Variants in RAPH1 observed in about 807,000 individuals in gnomAD.
The protein encoded by RAPH1 is ras-associated and pleckstrin homology domains-containing protein 1.
A neutral mutation model predicts 88.1 loss-of-function variants in RAPH1; 18 were observed. The observed-to-expected ratio is 0.20, with a 90% confidence interval of 0.14 to 0.30. RAPH1 has a LOEUF of 0.30. Among genes scored for constraint, RAPH1 ranks in the 10% least tolerant of loss-of-function variants. RAPH1 has a pLI of 1.00. For synonymous variants in RAPH1, 587 were observed against 559.0 expected (o/e 1.05, Z -0.71); for missense variants, 1,448 against 1,543.2 (o/e 0.94, Z 1.03).
Position 203,454,482 on chromosome 2 carries a change from T to G in RAPH1, c.1361A>C (p.Gln454Pro). 1 of 1,613,872 alleles carries G rather than the reference T, an allele frequency of 6.2e-7. No individual in the cohort carries two copies. The highest frequency in any genetic ancestry group is 8.5e-7 in the Non-Finnish European group (1 of 1,179,924). The change falls in exon 10 of 14, where the codon CAG becomes CCG. Residue 454 changes from glutamine to proline, a missense_variant. Gln to Pro is a moderately conservative substitution (Grantham distance 76). This residue lies in a region of RAPH1 where 513 missense variants were observed against 653.1 expected (regional missense o/e 0.79). Coordinates refer to ENST00000319170, the MANE Select transcript of RAPH1 (RefSeq NM_213589.3). ...TGCTTTGTATTTGTTCCGATAGTCC[T>G]GGCCATAATAAACGTTGACATGATC... The part of the protein sequence containing the change: ...QLDHVNVYYG[Q>P]DYRNKYKAPT...
Position 203,440,801 on chromosome 2 carries a change from C to A in RAPH1, c.2389G>T (p.Val797Phe). 1 of 1,598,854 alleles carries A rather than the reference C, an allele frequency of 6.3e-7. No homozygotes were observed. Among genetic ancestry groups the A allele is most frequent in the Non-Finnish European group, 8.5e-7 (1 of 1,175,366 alleles). Residue 797 changes from valine (V) to phenylalanine (F), a missense_variant, in exon 14 of 14, where the codon GTT becomes TTT. Val to Phe is a conservative substitution (Grantham distance 50). This residue lies in a region of RAPH1 where 935 missense variants were observed against 890.1 expected (regional missense o/e 1.05). Coordinates refer to ENST00000319170, the MANE Select transcript of RAPH1 (RefSeq NM_213589.3). ...GTGGGTGGTGCAGCTTGAGTCACAACAGGTGCCACAGTCTTGGTGCTGGTT... is the reference window on the plus strand; with the variant it reads ...GTGGGTGGTGCAGCTTGAGTCACAAAAGGTGCCACAGTCTTGGTGCTGGTT... ...APTSTKTVAP[V>F]VTQAAPPTPT... is the part of the protein sequence containing the mutation.
At position 203,492,774 on chromosome 2, in the gene RAPH1, C is replaced by CT. The variant is rs34762923; in HGVS notation, c.121-1456dup. Among the ~76,000 whole-genome samples the CT allele has an allele frequency of 6.3e-3, 907 of 144,934 alleles. 6 individuals are homozygous for CT. Among genetic ancestry groups the CT allele is most frequent in the East Asian group, 0.026 (130 of 4,990 alleles). On this transcript the variant is annotated intron_variant, in intron 2 of 13. Transcript: ENST00000319170. Reference sequence around the variant, plus strand: ...ATACTCTATGTGTTTATAATGCTATCTTTTTTTTTTTTTTTGAGACAAGGT... The same window carrying CT: ...ATACTCTATGTGTTTATAATGCTATCTTTTTTTTTTTTTTTTGAGACAAGGT...
chr2:203,516,211 T>C (rs1401446896), intron 1 of RAPH1, among the ~76,000 whole-genome samples: 1 of 152,132 alleles, frequency 6.6e-6, no homozygotes, highest in African/African-American at 2.4e-5. Flanking sequence ...TAGTTGTATA[T>C]GTAAATTGCA....
intron 12 of RAPH1, chr2:203,445,547 G>A (rs1383279484): frequency 6.5e-6 from 1 of 152,706 alleles, no homozygotes; most frequent in Non-Finnish European, 1.5e-5. Context: ...GACCCATAGG[G>A]TGGCAGCTGT....
intron 1 of RAPH1, among the ~76,000 whole-genome samples, chr2:203,506,784 A>ATC (rs1559494326): frequency 3.0e-4 from 25 of 82,392 alleles, no homozygotes; most frequent in African/African-American, 1.3e-3. Context: ...ATATATCTAG[A>ATC]TATATATATC....
intron 2 of RAPH1, among the ~76,000 whole-genome samples, chr2:203,491,788 G>A (rs2248312): frequency 0.11 from 16,295 of 152,196 alleles, 1,814 homozygotes; most frequent in African/African-American, 0.28. Flanking sequence ...GATTACAGGC[G>A]TGAGCCACCA....
At chr2:203,500,652 A>C (rs1688701765) in intron 1 of RAPH1, among the ~76,000 whole-genome samples, 1 of 152,220 alleles carries the variant, frequency 6.6e-6, no homozygotes, top group Admixed American at 6.5e-5. Context: ...GCTTATACTC[A>C]CTTAAGTTTA....
chr2:203,440,136 T>C lies in RAPH1; in HGVS notation c.3054A>G (p.Leu1018=). The change falls in exon 14 of 14, where the codon CTA becomes CTG. Residue 1018 remains leucine (L), a synonymous_variant. Coordinates refer to ENST00000319170, the MANE Select transcript of RAPH1 (RefSeq NM_213589.3). ...GCTTGGGGGGTGCTGCAGGAGGTGG[T>C]AGGGTCTCCTTGCTGGGAGACCCTG... ...AESGSPSKET[L]PPPAAPPKPG... 1 of 1,613,444 alleles carries C rather than the reference T, an allele frequency of 6.2e-7. No homozygotes were observed. Among genetic ancestry groups the C allele is most frequent in the Non-Finnish European group, 8.5e-7 (1 of 1,179,902 alleles).
chr2:203,527,503 A>G (rs1446564133), intron 1 of RAPH1, among the ~76,000 whole-genome samples: 1 of 152,048 alleles, frequency 6.6e-6, no homozygotes, highest in African/African-American at 2.4e-5. Context: ...TTTCCTCAAT[A>G]AAAACGTTTT....
chr2:203,455,556 T>C lies in RAPH1; in HGVS notation c.1183A>G (p.Thr395Ala). The change falls in exon 9 of 14, where the codon ACT (threonine) becomes GCT (alanine). Residue 395 changes from threonine (T) to alanine (A), a missense_variant. Thr to Ala is a moderately conservative substitution (Grantham distance 58). This residue lies in a region of RAPH1 where 513 missense variants were observed against 653.1 expected (regional missense o/e 0.79). Transcript: ENST00000319170. Reference sequence around the variant, plus strand: ...AGGACTCCTTCAATTTCTGGTACAGTTACAGAACTTCCACAAAAACATTCC... The same window carrying C: ...AGGACTCCTTCAATTTCTGGTACAGCTACAGAACTTCCACAAAAACATTCC... ...LEECFCGSSV[T>A]VPEIEGVLWL... 3 of 1,612,206 alleles carry C rather than the reference T, an allele frequency of 1.9e-6. No individual in the cohort carries two copies. The highest frequency in any genetic ancestry group is 2.5e-6 in the Non-Finnish European group (3 of 1,179,330).
At chr2:203,505,516 C>G (rs1044991348) in intron 1 of RAPH1, among the ~76,000 whole-genome samples, 2 of 152,106 alleles carry the variant, frequency 1.3e-5, no homozygotes, top group Admixed American at 6.6e-5. Flanking sequence ...GGTGGGGACA[C>G]AGCCAAACCA....
chr2:203,523,657 T>C (rs1161182662), intron 1 of RAPH1, among the ~76,000 whole-genome samples: 1 of 151,782 alleles, frequency 6.6e-6, no homozygotes, highest in Non-Finnish European at 1.5e-5. Context: ...AAAGGAAAAA[T>C]TGGTAATTTT....
chr2:203,488,455 G>T (rs1036483494), intron 4 of RAPH1, among the ~76,000 whole-genome samples: 1 of 151,726 alleles, frequency 6.6e-6, no homozygotes, highest in Non-Finnish European at 1.5e-5. Flanking sequence ...CAGGCATGGT[G>T]GCACACGCCT....
chr2:203,486,737 A>G (rs1376055318), intron 4 of RAPH1, among the ~76,000 whole-genome samples: 1 of 152,226 alleles, frequency 6.6e-6, no homozygotes, highest in Non-Finnish European at 1.5e-5. Context: ...ACATGAGTTC[A>G]GGATATATTA....
At chr2:203,478,769 G>A (rs1309978356) in intron 4 of RAPH1, among the ~76,000 whole-genome samples, 4 of 152,122 alleles carry the variant, frequency 2.6e-5, no homozygotes, top group African/African-American at 4.8e-5. Context: ...GATTACAGGC[G>A]TGAGCCACTG....
chr2:203,474,334 C>T (rs2098535582), intron 4 of RAPH1, among the ~76,000 whole-genome samples: 1 of 152,148 alleles, frequency 6.6e-6, no homozygotes, highest in Non-Finnish European at 1.5e-5. Context: ...GCCTTGCAAG[C>T]ATGGTACAAT....
Position 203,437,862 on chromosome 2 carries a change from A to G in RAPH1, c.*1575T>C. The G allele has an allele frequency of 9.9e-6, 2 of 201,796 alleles. No individual in the cohort carries two copies. The highest frequency in any genetic ancestry group is 1.2e-4 in the Admixed American group (2 of 16,830). The allele number at this position is 201,796 out of a possible 1,614,324, so 12.5% of individuals were successfully genotyped here. A position where few individuals can be genotyped will look rare whatever the true frequency, so the allele number is the denominator to read the frequency against. ...TCATTAACAATAGGCACAGACTTTC[A>G]TTACAAGATGTGCTCCCCTTATAAG... On this transcript the variant is annotated 3_prime_UTR_variant, in exon 14 of 14. Coordinates refer to ENST00000319170, the MANE Select transcript of RAPH1 (RefSeq NM_213589.3).
chr2:203,503,407 T>C (rs191309231), intron 1 of RAPH1, among the ~76,000 whole-genome samples: 1 of 152,104 alleles, frequency 6.6e-6, no homozygotes, highest in Non-Finnish European at 1.5e-5. Flanking sequence ...CAAGACAAAA[T>C]GTGAAGAAGC....
chr2:203,517,437 T>G (rs1046019709), intron 1 of RAPH1, among the ~76,000 whole-genome samples: 9 of 147,484 alleles, frequency 6.1e-5, no homozygotes, highest in Non-Finnish European at 1.0e-4. Context: ...TGAATACCTC[T>G]CTATCAGAAA....
Sources: allele counts gnomAD v4.1 joint callset (sites outside exome capture counted in the v4.1 genomes callset), GRCh38; gene constraint gnomAD v4.1.1; regional missense constraint gnomAD v4.1.1; transcripts MANE v1.5; gene names NCBI Gene and HGNC (gene_info 2026-07-23, HGNC 2026-07-21).